The following PTPRF variants were observed in gnomAD, a reference collection of about 807,000 sequenced individuals.
PTPRF encodes the protein protein tyrosine phosphatase receptor type F, also known as receptor-type tyrosine-protein phosphatase F.
PTPRF carries 59 observed loss-of-function variants against 201.8 expected under a neutral mutation model. That is an observed-to-expected ratio of 0.29 (90% confidence interval 0.24 to 0.36). The LOEUF is 0.36. PTPRF is among the 10% of genes least tolerant of loss of function. The probability of loss-of-function intolerance (pLI) is 1.00; values close to 1 mark genes in which losing one functional copy is unlikely to be tolerated. For missense variants in PTPRF, 2,132 were observed against 2,690.5 expected, an observed-to-expected ratio of 0.79 and a Z score of 4.59; for synonymous variants, 1,088 against 1,089.7, an observed-to-expected ratio of 1.00 and a Z score of 0.03.
intron 2 of PTPRF, 35 bp downstream of exon 2, chr1:43,538,312 G>A (rs1570906196): frequency 5.0e-6 from 2 of 398,866 alleles, no homozygotes; most frequent in Non-Finnish European, 8.8e-6. Context: ...AGGAGCAGGG[G>A]TGCACAGGGG....
At chr1:43,583,477 CCTGTAGCG>C (rs1648286267) in intron 7 of PTPRF, among the ~76,000 whole-genome samples, 1 of 152,162 alleles carries the variant, frequency 6.6e-6, no homozygotes, top group Admixed American at 6.5e-5. Context: ...AGGTGTAAGA[CCTGTAGCG>C]CTTTGTGTGC....
chr1:43,538,197 G>A lies in PTPRF; in HGVS notation c.-125-1G>A, dbSNP rs888234034. Reference sequence around the variant, plus strand: ...TTTCTCATGCTTTCCTTTCTGTCCAGGAAGGAGTGGAGGCCCTGGTGCCCG... The same window carrying A: ...TTTCTCATGCTTTCCTTTCTGTCCAAGAAGGAGTGGAGGCCCTGGTGCCCG... On this transcript the variant is annotated splice_acceptor_variant, in intron 1 of 33. Transcript: ENST00000359947. LOFTEE classifies it low-confidence loss of function (5UTR_SPLICE). The A allele has an allele frequency of 2.5e-6, 1 of 398,626 alleles. No homozygotes were observed. The highest frequency in any genetic ancestry group is 4.4e-5 in the Admixed American group (1 of 22,734). 24.7% of individuals were successfully genotyped at this position (398,626 alleles called of 1,614,324 possible).
Position 43,597,856 on chromosome 1 carries a change from A to C in PTPRF, c.1922A>C (p.Gln641Pro). ...PADSRNGVIT[Q>P]YSVAYEAVDG... is the part of the protein sequence containing the mutation. ...GACAGCCGCAACGGCGTTATCACCC[A>C]GTACTCCGTGGCCTACGAGGCGGTG... The change falls in exon 12 of 34, where the codon CAG (glutamine) becomes CCG (proline). Residue 641 changes from glutamine (Q) to proline (P), a missense_variant. Physicochemically the swap from Gln to Pro is moderately conservative, Grantham distance 76 (BLOSUM62 -1). Transcript: ENST00000359947. 1 of 1,608,954 alleles carries C rather than the reference A, an allele frequency of 6.2e-7. No individual in the cohort carries two copies. The highest frequency in any genetic ancestry group is 8.5e-7 in the Non-Finnish European group (1 of 1,178,262).
chr1:43,575,672 C>G (rs1041436145), intron 6 of PTPRF, among the ~76,000 whole-genome samples: 4 of 151,946 alleles, frequency 2.6e-5, no homozygotes, highest in African/African-American at 9.7e-5. Context: ...CCACTGAGCC[C>G]CCTCCTCCTC....
chr1:43,612,740 G>A (rs775526659), intron 22 of PTPRF: 13 of 1,355,960 alleles, frequency 9.6e-6, no homozygotes, highest in African/African-American at 1.5e-5. Flanking sequence ...TGTTTTTTTC[G>A]TTTGTTTGTT....
intron 7 of PTPRF, among the ~76,000 whole-genome samples, chr1:43,584,760 G>A (rs928254201): frequency 6.6e-6 from 1 of 152,184 alleles, no homozygotes; most frequent in African/African-American, 2.4e-5. Context: ...CAGCCACAAG[G>A]TTATTTATTA....
intron 11 of PTPRF, among the ~76,000 whole-genome samples, chr1:43,596,629 G>C (rs1188863349): frequency 1.3e-5 from 2 of 152,162 alleles, no homozygotes; most frequent in African/African-American, 4.8e-5. Context: ...TGTGGCACTG[G>C]CAAAGAGACT....
chr1:43,606,683 C>G (rs991808252), intron 20 of PTPRF, 131 bp from the exon 21 acceptor site: 27 of 1,333,010 alleles, frequency 2.0e-5, no homozygotes, highest in Non-Finnish European at 1.6e-5. Flanking sequence ...CCTGCCAGGT[C>G]CACCTTGTAG....
chr1:43,579,794 ACCGGG>A, intron 7 of PTPRF: 1 of 152,354 alleles, frequency 6.6e-6, no homozygotes, highest in Non-Finnish European at 1.5e-5. Flanking sequence ...TAAACTGTTG[ACCGGG>A]TGTGGTGGCT....
chr1:43,565,095 C>T (rs1178858987), intron 5 of PTPRF, among the ~76,000 whole-genome samples: 3 of 152,296 alleles, frequency 2.0e-5, no homozygotes, highest in East Asian at 3.9e-4. Flanking sequence ...GTTTTCCCCT[C>T]CTCCCTGGAA....
chr1:43,620,707 C>A lies in PTPRF; in HGVS notation c.5364+128C>A, dbSNP rs1325022905. On this transcript the variant is annotated intron_variant, in intron 31 of 33. Coordinates refer to ENST00000359947, the MANE Select transcript of PTPRF (RefSeq NM_002840.5). ...GTGGGTGGGTATTAGGGTGTGAGCACATCTCCCCCTGTGGCCTCGGGTGCA... is the reference window on the plus strand; with the variant it reads ...GTGGGTGGGTATTAGGGTGTGAGCAAATCTCCCCCTGTGGCCTCGGGTGCA... 7.9e-6 allele frequency: 12 copies of A among 1,522,192 alleles called. No individual in the cohort carries two copies. The East Asian group carries it at 2.0e-4, about 26-fold the overall frequency. 94.3% of individuals were successfully genotyped at this position (1,522,192 alleles called of 1,614,324 possible).
chr1:43,575,701 A>G (rs1003054911), intron 6 of PTPRF, among the ~76,000 whole-genome samples: 20 of 151,424 alleles, frequency 1.3e-4, no homozygotes, highest in African/African-American at 4.9e-4. Flanking sequence ...AGAGCCAGTG[A>G]CCTGGGACAC....
chr1:43,558,083 CG>C (rs1033207495), intron 5 of PTPRF, among the ~76,000 whole-genome samples: 1 of 152,028 alleles, frequency 6.6e-6, no homozygotes, highest in African/African-American at 2.4e-5. Context: ...GGGGTGGGGC[CG>C]GCAGGAGCCA....
rs533388057 is a variant in PTPRF, at chr1:43,604,275, CTG to C, written c.3037+89_3037+90del. The stretch of plus-strand genomic sequence containing the variant: ...TCCTTGAGCCACTGACCTCTGGCGA[CTG>C]TGATCCACCAGCCTCTGGTGTGTGA... On this transcript the variant is annotated intron_variant, in intron 16 of 33. Coordinates refer to ENST00000359947, the MANE Select transcript of PTPRF (RefSeq NM_002840.5). 8.1e-4 allele frequency: 1,112 copies of C among 1,376,776 alleles called. 10 individuals carry two copies. Among genetic ancestry groups the C allele is most frequent in the Non-Finnish European group, 1.6e-4 (161 of 1,010,594 alleles). The allele number at this position is 1,376,776 out of a possible 1,614,324, so 85.3% of individuals were successfully genotyped here.
intron 3 of PTPRF, among the ~76,000 whole-genome samples, chr1:43,552,376 G>A (rs1645093105): frequency 1.3e-5 from 2 of 152,202 alleles, no homozygotes; most frequent in African/African-American, 4.8e-5. Flanking sequence ...TCACTGGCAT[G>A]TGATCTTGGA....
intron 6 of PTPRF, among the ~76,000 whole-genome samples, chr1:43,570,693 C>T (rs1346193916): frequency 2.0e-5 from 3 of 152,258 alleles, no homozygotes; most frequent in Non-Finnish European, 4.4e-5. Context: ...CCACCAGCCT[C>T]ACAGCCCCTT....
At chr1:43,590,939 C>A in intron 8 of PTPRF, 33 bp from the exon 9 acceptor site, 1 of 1,564,396 alleles carries the variant, frequency 6.4e-7, no homozygotes, top group South Asian at 1.2e-5. Flanking sequence ...ATCTTGACCT[C>A]GGGCAGCTTT....
At chr1:43,619,943 C>A in intron 29 of PTPRF, 85 bp downstream of exon 29, 1 of 1,568,364 alleles carries the variant, frequency 6.4e-7, no homozygotes, top group South Asian at 1.2e-5. Context: ...CAGAGTAGGG[C>A]CAGCCTAGAA....
At position 43,542,840 on chromosome 1, in the gene PTPRF, C is replaced by G. The variant is rs1232224842; in HGVS notation, c.-45-2191C>G. Among the ~76,000 whole-genome samples, 2 of 152,146 alleles carry G rather than the reference C, an allele frequency of 1.3e-5. No homozygotes were observed. Among genetic ancestry groups the G allele is most frequent in the Non-Finnish European group, 2.9e-5 (2 of 68,016 alleles). ...CCAAGGCGGCTACAGGGGATTAAGC[C>G]TCTGCTCATTGTACTGGGGAGCTAT... is the stretch of plus-strand genomic sequence containing the variant. On this transcript the variant is annotated intron_variant, in intron 2 of 33. Coordinates refer to ENST00000359947, the MANE Select transcript of PTPRF (RefSeq NM_002840.5). This position sits in a 1 kb window ranked among gnomAD's most constrained non-coding sequence, Gnocchi z 5.2.
Sources: allele counts gnomAD v4.1 joint callset (sites outside exome capture counted in the v4.1 genomes callset), GRCh38; gene constraint gnomAD v4.1.1; non-coding constraint Gnocchi (gnomAD v3.1); transcripts MANE v1.5; gene names NCBI Gene and HGNC (gene_info 2026-07-23, HGNC 2026-07-21).